The following SEC23B variants were observed in gnomAD, a reference collection of about 807,000 sequenced individuals.
The protein encoded by SEC23B is protein transport protein Sec23B.
SEC23B carries 77 observed loss-of-function variants against 104.3 expected under a neutral mutation model. The ratio of observed to expected loss-of-function variants is 0.74; its 90% CI spans 0.61 to 0.89. The LOEUF is 0.89. Among genes scored for constraint, SEC23B ranks in the 40% least tolerant of loss-of-function variants. SEC23B has a pLI of 0.00. For synonymous variants in SEC23B, 338 were observed against 332.5 expected, an observed-to-expected ratio of 1.02 and a Z score of -0.18; for missense variants, 885 against 949.4, an observed-to-expected ratio of 0.93 and a Z score of 0.89.
intron 3 of SEC23B, among the ~76,000 whole-genome samples, chr20:18,513,106 C>T (rs530765491): frequency 1.3e-5 from 2 of 152,272 alleles, no homozygotes; most frequent in Non-Finnish European, 2.9e-5. Flanking sequence ...ATCGCTTGAA[C>T]CCGGGAGGCG....
intron 19 of SEC23B, among the ~76,000 whole-genome samples, chr20:18,559,623 G>A (rs2060474318): frequency 6.6e-6 from 1 of 152,098 alleles, no homozygotes. Flanking sequence ...AGATTGTTCT[G>A]TCTTGCTAGG....
chr20:18,517,103 C>T (rs1223288770), intron 4 of SEC23B, among the ~76,000 whole-genome samples: 1 of 152,064 alleles, frequency 6.6e-6, no homozygotes, highest in Non-Finnish European at 1.5e-5. Context: ...AGTTTTATTC[C>T]ATTTTTATCG....
chr20:18,513,677 A>T (rs1384630641), intron 3 of SEC23B, among the ~76,000 whole-genome samples: 1 of 152,248 alleles, frequency 6.6e-6, no homozygotes, highest in Non-Finnish European at 1.5e-5. Flanking sequence ...CGGAAACTAT[A>T]AGCAGATGTC....
chr20:18,533,502 C>G lies in SEC23B; in HGVS notation c.1314+758C>G, dbSNP rs116180927. Among the ~76,000 whole-genome samples the G allele has an allele frequency of 5.1e-3, 773 of 152,256 alleles. 8 individuals are homozygous for G. Among genetic ancestry groups the G allele is most frequent in the South Asian group, 0.039 (190 of 4,820 alleles). On this transcript the variant is annotated intron_variant, in intron 11 of 19. Coordinates refer to ENST00000650089, the MANE Select transcript of SEC23B (RefSeq NM_006363.6). ...GGCCCGAGCAAAGGACTTATTTGCT[C>G]TGTGATTCAGTATCCTTATCTGGCA...
chr20:18,512,914 G>A (rs1313470135), intron 3 of SEC23B, among the ~76,000 whole-genome samples: 3 of 152,044 alleles, frequency 2.0e-5, no homozygotes, highest in Admixed American at 6.6e-5. Flanking sequence ...GGCCGGGCGC[G>A]GTGACTTACG....
chr20:18,561,296 TTTTGAAGATAACTGC>T lies in SEC23B; in HGVS notation c.*560_*574del, dbSNP rs1238934848. 1 of 153,174 alleles carries T rather than the reference TTTTGAAGATAACTGC, an allele frequency of 6.5e-6. No homozygotes were observed. Among genetic ancestry groups the T allele is most frequent in the Admixed American group, 6.5e-5 (1 of 15,420 alleles). 9.5% of individuals were successfully genotyped at this position (153,174 alleles called of 1,614,324 possible). On this transcript the variant is annotated 3_prime_UTR_variant, in exon 20 of 20. Coordinates refer to ENST00000650089, the MANE Select transcript of SEC23B (RefSeq NM_006363.6). ...TCCACTCTATAAACTCAGACCTACT[TTTTGAAGATAACTGC>T]TTTTAACCTCTCCTTACAAGATTTT...
In SEC23B at chr20:18,526,637, G is replaced by A. The variant is rs2060136859; in HGVS notation, c.993+106G>A. The stretch of plus-strand genomic sequence containing the variant: ...CAAGGTCATGTGTCATGGTCAGCAA[G>A]ACGCTGTTTCAGAGACAGTTTTCCA... On this transcript the variant is annotated intron_variant, in intron 8 of 19. Coordinates refer to ENST00000650089, the MANE Select transcript of SEC23B (RefSeq NM_006363.6). 4 of 1,203,322 alleles carry A rather than the reference G, an allele frequency of 3.3e-6. No homozygotes were observed. The East Asian group carries it at 9.4e-5, about 28-fold the overall frequency. The allele number at this position is 1,203,322 out of a possible 1,614,324, so 74.5% of individuals were successfully genotyped here. A position where few individuals can be genotyped will look rare whatever the true frequency, so the allele number is the denominator to read the frequency against.
chr20:18,522,182 C>T (rs1170081082), intron 4 of SEC23B, among the ~76,000 whole-genome samples: 1 of 152,068 alleles, frequency 6.6e-6, no homozygotes, highest in Non-Finnish European at 1.5e-5. Flanking sequence ...CCATGGGCTG[C>T]AATGTGGGTG....
chr20:18,537,307 T>A lies in SEC23B; in HGVS notation c.1404+1565T>A, dbSNP rs549497539. 3.7e-4 allele frequency among the ~76,000 whole-genome samples: 56 copies of A among 152,188 alleles called. 1 individual carries two copies. In the South Asian group the frequency reaches 4.0e-3, roughly 11 times the overall value. ...CATGCACACGTATGTTTATTGTGGCTCTATTCACAATAGTAAAGACTTGGA... is the reference window on the plus strand; with the variant it reads ...CATGCACACGTATGTTTATTGTGGCACTATTCACAATAGTAAAGACTTGGA... On this transcript the variant is annotated intron_variant, in intron 12 of 19. Transcript: ENST00000650089.
intron 1 of SEC23B, chr20:18,508,303 T>G (rs1023143140): frequency 1.3e-5 from 2 of 152,254 alleles, no homozygotes; most frequent in Non-Finnish European, 2.9e-5. Context: ...CCCAGGTCCT[T>G]GGACTCCCTT....
intron 8 of SEC23B, among the ~76,000 whole-genome samples, chr20:18,526,951 C>T (rs2060139558): frequency 6.6e-6 from 1 of 152,166 alleles, no homozygotes. Context: ...AGTGGTGACT[C>T]ACGCCTGTAG....
chr20:18,528,690 A>G (rs2060155702), intron 9 of SEC23B, among the ~76,000 whole-genome samples: 1 of 152,224 alleles, frequency 6.6e-6, no homozygotes, highest in South Asian at 2.1e-4. Flanking sequence ...GTCCCAAATG[A>G]TACTGATGTA....
Position 18,525,939 on chromosome 20 carries a change from T to C in SEC23B, c.834+7T>C. On this transcript the variant is annotated splice_region_variant and intron_variant, in intron 7 of 19. Coordinates refer to ENST00000650089, the MANE Select transcript of SEC23B (RefSeq NM_006363.6). Reference sequence around the variant, plus strand: ...TGCTGTTGGCTTGCTGGAGGTAATTTAAAATTTACCAGGACCTCTCAAATC... The same window carrying C: ...TGCTGTTGGCTTGCTGGAGGTAATTCAAAATTTACCAGGACCTCTCAAATC... 1.2e-6 allele frequency: 2 copies of C among 1,614,000 alleles called. No homozygotes were observed. The highest frequency in any genetic ancestry group is 1.7e-6 in the Non-Finnish European group (2 of 1,179,872).
At position 18,526,334 on chromosome 20, in the gene SEC23B, G is replaced by A. The variant is rs138196350; in HGVS notation, c.835-39G>A. 3.0e-4 allele frequency: 477 copies of A among 1,608,672 alleles called. 2 individuals carry two copies. In the African/African-American group the frequency reaches 5.2e-3, roughly 17 times the overall value. ...AAACTGAAACCATACTAAAAGGTGAGGCTGTATACTTCTAACATGCTGCCA... is the reference window on the plus strand; with the variant it reads ...AAACTGAAACCATACTAAAAGGTGAAGCTGTATACTTCTAACATGCTGCCA... On this transcript the variant is annotated intron_variant, in intron 7 of 19. Coordinates refer to ENST00000650089, the MANE Select transcript of SEC23B (RefSeq NM_006363.6).
intron 12 of SEC23B, among the ~76,000 whole-genome samples, chr20:18,536,400 C>A (rs565712054): frequency 3.9e-5 from 6 of 152,324 alleles, no homozygotes; most frequent in African/African-American, 9.6e-5. Context: ...AGTTAAAAAT[C>A]CACATATAAC....
chr20:18,512,218 C>G lies in SEC23B; in HGVS notation c.222-7C>G, dbSNP rs949447100. On this transcript the variant is annotated splice_polypyrimidine_tract_variant and splice_region_variant and intron_variant, in intron 2 of 19. Transcript: ENST00000650089. ...GTACCTACTTATAATATTTATCTTT[C>G]TCACAGTCAGGTTGATTATCGAGCA... 4 of 1,565,840 alleles carry G rather than the reference C, an allele frequency of 2.6e-6. No individual in the cohort carries two copies. Among genetic ancestry groups the G allele is most frequent in the East Asian group, 2.3e-5 (1 of 44,296 alleles).
intron 14 of SEC23B, among the ~76,000 whole-genome samples, chr20:18,543,989 G>A (rs1890980991): frequency 6.6e-6 from 1 of 152,194 alleles, no homozygotes; most frequent in Non-Finnish European, 1.5e-5. Flanking sequence ...CACCCGGGAA[G>A]CTGCTGAATG....
At chr20:18,519,641 G>A (rs2060065116) in intron 4 of SEC23B, among the ~76,000 whole-genome samples, 2 of 152,170 alleles carry the variant, frequency 1.3e-5, no homozygotes, top group African/African-American at 2.4e-5. Flanking sequence ...CTAGTGTGGG[G>A]GCAGTCTCTA....
rs911113 is a variant in SEC23B at position 18,525,253 on chromosome 20, T to C, written c.689+233T>C. 0.13 allele frequency among the ~76,000 whole-genome samples: 19,056 copies of C among 152,258 alleles called. 1,297 individuals carry two copies. The highest frequency in any genetic ancestry group is 0.18 in the Admixed American group (2,804 of 15,290). ...GTCCTTTTTGATGCTTAAGTAAAACTGGAAAAACTGAAAAGACTTCTTTCA... is the reference window on the plus strand; with the variant it reads ...GTCCTTTTTGATGCTTAAGTAAAACCGGAAAAACTGAAAAGACTTCTTTCA... On this transcript the variant is annotated intron_variant, in intron 6 of 19. Coordinates refer to ENST00000650089, the MANE Select transcript of SEC23B (RefSeq NM_006363.6).
Sources: gnomAD v4.1 joint callset for allele counts (sites outside exome capture counted in the v4.1 genomes callset) on GRCh38, gnomAD v4.1.1 for gene constraint, MANE v1.5 for transcripts, NCBI Gene and HGNC (gene_info 2026-07-23, HGNC 2026-07-21) for gene names.